Variants in COL26A1 observed in about 807,000 individuals in gnomAD.
The protein encoded by COL26A1 is collagen alpha-1(XXVI) chain.
A neutral mutation model predicts 59.3 loss-of-function variants in COL26A1; 41 were observed. The observed-to-expected ratio is 0.69, with a 90% CI of 0.54 to 0.90. The LOEUF (loss-of-function observed/expected upper bound fraction) is 0.90. Among genes scored for constraint, COL26A1 ranks in the 40% least tolerant of loss-of-function variants. The probability of loss-of-function intolerance (pLI) is 0.00; values close to 1 mark genes in which losing one functional copy is unlikely to be tolerated. For missense variants in COL26A1, 612 were observed against 602.3 expected (o/e 1.02, Z -0.17); for synonymous variants, 266 against 256.0 (o/e 1.04, Z -0.37).
chr7:101,500,265 A>G (rs1354875319), intron 3 of COL26A1, among the ~76,000 whole-genome samples: 1 of 152,156 alleles, frequency 6.6e-6, no homozygotes, highest in Non-Finnish European at 1.5e-5. Context: ...TGAGCAGGAC[A>G]TCTGTACTTG....
rs193085561 is a variant in COL26A1 at position 101,539,938 on chromosome 7, G to A, written c.493G>A (p.Asp165Asn). ...AAERPSSPDN[D>N]LPAPESTPPT... is the part of the protein sequence containing the mutation. The stretch of plus-strand genomic sequence containing the variant: ...AGAACGGCCCTCCAGCCCGGACAAC[G>A]ACCTGCCAGCCCCCGAGAGCACTCC... The change falls in exon 5 of 13, where the codon GAC becomes AAC. Residue 165 changes from aspartate to asparagine, a missense_variant. By Grantham distance (23) the Asp-to-Asn change is conservative (BLOSUM62 1). Coordinates refer to ENST00000313669, the MANE Select transcript of COL26A1 (RefSeq NM_001278563.3). The A allele has an allele frequency of 1.3e-4, 215 of 1,613,630 alleles. No homozygotes were observed. Among genetic ancestry groups the A allele is most frequent in the African/African-American group, 1.1e-3 (80 of 75,016 alleles).
chr7:101,426,667 G>A (rs1423511128), intron 2 of COL26A1, among the ~76,000 whole-genome samples: 4 of 152,168 alleles, frequency 2.6e-5, no homozygotes, highest in African/African-American at 9.7e-5. Context: ...TAAGATGGTG[G>A]TGATAGAAGG....
At chr7:101,374,293 G>A (rs1025060460) in intron 1 of COL26A1, among the ~76,000 whole-genome samples, 9 of 152,234 alleles carry the variant, frequency 5.9e-5, no homozygotes, top group African/African-American at 1.2e-4. Flanking sequence ...AGCGGTGTGC[G>A]TTCTGGCCCC....
intron 3 of COL26A1, among the ~76,000 whole-genome samples, chr7:101,463,142 GC>G (rs1205403453): frequency 6.6e-6 from 1 of 152,140 alleles, no homozygotes; most frequent in Non-Finnish European, 1.5e-5. Flanking sequence ...AGAGAACAGG[GC>G]TTTGGTTTTG....
intron 2 of COL26A1, among the ~76,000 whole-genome samples, chr7:101,420,959 C>T (rs956319035): frequency 6.6e-6 from 1 of 152,128 alleles, no homozygotes; most frequent in African/African-American, 2.4e-5. Context: ...CCCCAAACCA[C>T]TCTCCCCACA....
chr7:101,523,775 C>A (rs1388237469), intron 3 of COL26A1, among the ~76,000 whole-genome samples: 1 of 152,072 alleles, frequency 6.6e-6, no homozygotes, highest in Non-Finnish European at 1.5e-5. Flanking sequence ...GGTCTCAATT[C>A]TAGTAGTATA....
chr7:101,436,382 C>T (rs1036180565), intron 2 of COL26A1, among the ~76,000 whole-genome samples: 1 of 152,288 alleles, frequency 6.6e-6, no homozygotes, highest in South Asian at 2.1e-4. Context: ...TCCAGCCTGA[C>T]TCGGAACCTC....
At chr7:101,503,426 G>A (rs932177964) in intron 3 of COL26A1, among the ~76,000 whole-genome samples, 21 of 152,124 alleles carry the variant, frequency 1.4e-4, no homozygotes, top group Admixed American at 6.5e-5. Context: ...TTGTCACCCA[G>A]GCTGGAGTTC....
At chr7:101,395,321 G>A (rs575682758) in intron 1 of COL26A1, among the ~76,000 whole-genome samples, 67 of 152,320 alleles carry the variant, frequency 4.4e-4, no homozygotes, top group African/African-American at 1.3e-3. Context: ...AATCTTTCTC[G>A]TAGGAAAACT....
chr7:101,555,225 T>C (rs1795945525), intron 11 of COL26A1, among the ~76,000 whole-genome samples: 1 of 152,114 alleles, frequency 6.6e-6, no homozygotes, highest in Non-Finnish European at 1.5e-5. Context: ...GCCCTTGAAA[T>C]ACAGACTCTG....
At chr7:101,527,351 T>C (rs1017536857) in intron 3 of COL26A1, among the ~76,000 whole-genome samples, 6 of 151,862 alleles carry the variant, frequency 4.0e-5, no homozygotes, top group Admixed American at 3.3e-4. Context: ...CTTTTTGAGA[T>C]GGAGTCTAGC....
At chr7:101,543,838 C>T (rs563779980) in intron 5 of COL26A1, among the ~76,000 whole-genome samples, 160 bp from the exon 6 acceptor site, 140 of 152,342 alleles carry the variant, frequency 9.2e-4, no homozygotes, top group Non-Finnish European at 1.8e-3. Context: ...GTTGTAATAA[C>T]CAGCTCCAAG....
At chr7:101,461,373 C>T (rs555102561) in intron 3 of COL26A1, among the ~76,000 whole-genome samples, 31 of 151,412 alleles carry the variant, frequency 2.0e-4, no homozygotes, top group Admixed American at 4.6e-4. Flanking sequence ...ATCTCAGCTC[C>T]CTGCAACCTC....
At chr7:101,385,845 C>G (rs1017538913) in intron 1 of COL26A1, among the ~76,000 whole-genome samples, 1 of 152,080 alleles carries the variant, frequency 6.6e-6, no homozygotes, top group Non-Finnish European at 1.5e-5. Context: ...GCTGGGACTA[C>G]AGGCGCCCAC....
chr7:101,382,532 G>A (rs10435333), intron 1 of COL26A1, among the ~76,000 whole-genome samples: 57,270 of 151,946 alleles, frequency 0.38, 13,331 homozygotes, highest in Middle Eastern at 0.53. Flanking sequence ...TATCTGGTCT[G>A]GTGCCAAAAC....
intron 1 of COL26A1, among the ~76,000 whole-genome samples, chr7:101,384,237 T>TTTTTG (rs1554403547): frequency 1.0e-4 from 15 of 147,530 alleles, no homozygotes; most frequent in African/African-American, 3.8e-4. Flanking sequence ...CTGGTTTTTT[T>TTTTTG]TTTTTTTTTT....
At chr7:101,473,625 C>T (rs1237202415) in intron 3 of COL26A1, among the ~76,000 whole-genome samples, 1 of 68,768 alleles carries the variant, frequency 1.5e-5, no homozygotes, top group Non-Finnish European at 3.7e-5. Context: ...CACACACACA[C>T]ACACACACAC....
chr7:101,525,911 C>T (rs540278969), intron 3 of COL26A1, among the ~76,000 whole-genome samples: 1 of 152,310 alleles, frequency 6.6e-6, no homozygotes, highest in African/African-American at 2.4e-5. Flanking sequence ...CCTGCTGGCT[C>T]ACCTCTCAAT....
intron 1 of COL26A1, among the ~76,000 whole-genome samples, chr7:101,368,531 AC>A (rs1791103362): frequency 1.3e-5 from 2 of 152,216 alleles, no homozygotes; most frequent in Non-Finnish European, 2.9e-5. Context: ...GCAGTTTGGC[AC>A]TATTTATACT....
Sources: allele counts gnomAD v4.1 joint callset (sites outside exome capture counted in the v4.1 genomes callset), GRCh38; gene constraint gnomAD v4.1.1; transcripts MANE v1.5; gene names NCBI Gene and HGNC (gene_info 2026-07-23, HGNC 2026-07-21).